ATG5: variants seen among roughly 807,000 people sequenced by gnomAD.
ATG5 encodes the protein autophagy protein 5.
A neutral mutation model predicts 36.5 loss-of-function variants in ATG5; 14 were observed. That is an observed-to-expected ratio of 0.38 (90% CI 0.25 to 0.60). ATG5 has a LOEUF of 0.60. ATG5 is among the 20% of genes least tolerant of loss of function. The pLI is 0.60. For missense variants in ATG5, 195 were observed against 326.7 expected (o/e 0.60, Z 3.11); for synonymous variants, 95 against 101.5 (o/e 0.94, Z 0.38).
At chr6:106,253,385 C>T (rs1248756105) in intron 5 of ATG5, among the ~76,000 whole-genome samples, 2 of 152,070 alleles carry the variant, frequency 1.3e-5, no homozygotes, top group East Asian at 1.9e-4. Flanking sequence ...CACATCTTGG[C>T]AGAAGGTTTC....
chr6:106,232,844 C>A (rs1328829229), intron 6 of ATG5, among the ~76,000 whole-genome samples: 1 of 152,126 alleles, frequency 6.6e-6, no homozygotes, highest in African/African-American at 2.4e-5. Context: ...AGACCTGGAC[C>A]TTAAGGATGC....
In ATG5 at chr6:106,186,424, A is replaced by C; in HGVS notation, c.*116T>G. On this transcript the variant is annotated 3_prime_UTR_variant, in exon 8 of 8. Coordinates refer to ENST00000369076, the MANE Select transcript of ATG5 (RefSeq NM_004849.4). ...GGAATCTTTTTCCTGTCTGGCTTGC[A>C]GCAGCGAAGTGTTTCTGGTCAGGTT... 2 of 1,246,112 alleles carry C rather than the reference A, an allele frequency of 1.6e-6. No individual in the cohort carries two copies. The highest frequency in any genetic ancestry group is 2.3e-6 in the Non-Finnish European group (2 of 887,584). The allele number at this position is 1,246,112 out of a possible 1,614,324, so 77.2% of individuals were successfully genotyped here.
At chr6:106,257,502 G>A (rs1038440601) in intron 5 of ATG5, among the ~76,000 whole-genome samples, 1 of 152,112 alleles carries the variant, frequency 6.6e-6, no homozygotes, top group South Asian at 2.1e-4. Flanking sequence ...AATCTTAAGG[G>A]ACCACTATCA....
At chr6:106,199,568 G>A (rs1037102372) in intron 7 of ATG5, among the ~76,000 whole-genome samples, 8 of 152,164 alleles carry the variant, frequency 5.3e-5, no homozygotes, top group Non-Finnish European at 1.0e-4. Context: ...GCAGAGATTA[G>A]CTACAAGTAA....
chr6:106,290,170 G>A (rs1477439925), intron 4 of ATG5, among the ~76,000 whole-genome samples: 1 of 150,966 alleles, frequency 6.6e-6, no homozygotes, highest in Non-Finnish European at 1.5e-5. Flanking sequence ...GGGACTAGAG[G>A]TGCATGCCAC....
At chr6:106,231,492 A>G (rs1373633507) in intron 6 of ATG5, among the ~76,000 whole-genome samples, 2 of 152,186 alleles carry the variant, frequency 1.3e-5, no homozygotes, top group Admixed American at 1.3e-4. Context: ...GGTGCCGCAG[A>G]CATTTGCTAA....
At chr6:106,322,705 G>A (rs1434850196) in intron 1 of ATG5, among the ~76,000 whole-genome samples, 3 of 152,148 alleles carry the variant, frequency 2.0e-5, no homozygotes, top group Non-Finnish European at 1.5e-5. Flanking sequence ...AAATGCCCCA[G>A]GACTCAGTCC....
intron 6 of ATG5, among the ~76,000 whole-genome samples, chr6:106,211,045 A>G (rs956149873): frequency 5.3e-5 from 8 of 152,208 alleles, no homozygotes; most frequent in Non-Finnish European, 1.0e-4. Context: ...TTGGTCATAC[A>G]TATTGTTTTA....
At chr6:106,286,889 A>G (rs998467476) in intron 4 of ATG5, among the ~76,000 whole-genome samples, 1 of 152,204 alleles carries the variant, frequency 6.6e-6, no homozygotes, top group Non-Finnish European at 1.5e-5. Context: ...ATTCTCCCTC[A>G]GTTGAACTTC....
At chr6:106,202,118 G>C (rs762972695) in intron 6 of ATG5, 29 bp from the exon 7 acceptor site, 2 of 1,570,226 alleles carry the variant, frequency 1.3e-6, no homozygotes, top group South Asian at 1.1e-5. Context: ...AATGATTCAA[G>C]CAATTAAGTC....
intron 4 of ATG5, among the ~76,000 whole-genome samples, chr6:106,290,254 ATTTTATTTATTTTAT>A (rs1461791080): frequency 2.8e-5 from 4 of 143,614 alleles, no homozygotes; most frequent in East Asian, 2.0e-4. Context: ...ATTTTATTTT[ATTTTATTTATTTTAT>A]TTTATTTTAT....
chr6:106,265,605 G>A lies in ATG5; in HGVS notation c.478+14056C>T, dbSNP rs368979932. On this transcript the variant is annotated intron_variant, in intron 5 of 7. Transcript: ENST00000369076. ...TCTAAAATCGACCACATAATTGAAA[G>A]TAAAACACTCCTCTGCAAGTGCAAA... is the stretch of plus-strand genomic sequence containing the variant. Among the ~76,000 whole-genome samples the A allele has an allele frequency of 7.2e-5, 11 of 152,258 alleles. No individual in the cohort carries two copies. In the East Asian group the frequency reaches 1.5e-3, roughly 21 times the overall value.
intron 7 of ATG5, among the ~76,000 whole-genome samples, chr6:106,201,006 T>A (rs1776408187): frequency 6.6e-6 from 1 of 152,322 alleles, no homozygotes; most frequent in South Asian, 2.1e-4. Context: ...TATTTGCATA[T>A]AACCTATGCA....
chr6:106,255,335 A>G (rs1360007294), intron 5 of ATG5, among the ~76,000 whole-genome samples: 1 of 152,234 alleles, frequency 6.6e-6, no homozygotes, highest in East Asian at 1.9e-4. Context: ...AAAAGATGAG[A>G]GGTTCACAAT....
chr6:106,278,922 A>T (rs1347017297), intron 5 of ATG5, among the ~76,000 whole-genome samples: 1 of 152,228 alleles, frequency 6.6e-6, no homozygotes, highest in Admixed American at 6.5e-5. Context: ...TAAACTAGCA[A>T]TAAAGTTTGC....
chr6:106,305,718 C>T (rs895428531), intron 3 of ATG5, among the ~76,000 whole-genome samples: 1 of 152,244 alleles, frequency 6.6e-6, no homozygotes, highest in Non-Finnish European at 1.5e-5. Flanking sequence ...AGTCTTCCAA[C>T]ACTTCAGTGG....
At chr6:106,288,566 G>T (rs1227946094) in intron 4 of ATG5, among the ~76,000 whole-genome samples, 1 of 152,052 alleles carries the variant, frequency 6.6e-6, no homozygotes, top group East Asian at 1.9e-4. Flanking sequence ...AAAAGCTTTT[G>T]GTTCTACAGA....
At chr6:106,195,245 T>G (rs1391139808) in intron 7 of ATG5, among the ~76,000 whole-genome samples, 1 of 151,412 alleles carries the variant, frequency 6.6e-6, no homozygotes, top group East Asian at 1.9e-4. Context: ...TTGTAGGGAG[T>G]AGAAGACAAT....
At chr6:106,209,001 AT>A (rs1224298958) in intron 6 of ATG5, among the ~76,000 whole-genome samples, 3 of 152,218 alleles carry the variant, frequency 2.0e-5, no homozygotes, top group African/African-American at 7.2e-5. Flanking sequence ...ACCTACCAAA[AT>A]ATCCAAAATA....
Sources: allele counts gnomAD v4.1 joint callset (sites outside exome capture counted in the v4.1 genomes callset), GRCh38; gene constraint gnomAD v4.1.1; transcripts MANE v1.5; gene names NCBI Gene and HGNC (gene_info 2026-07-23, HGNC 2026-07-21).